RAD1: variants seen among roughly 807,000 people sequenced by gnomAD.
RAD1 encodes the protein RAD1 checkpoint DNA exonuclease.
Under a neutral mutation model 30.0 loss-of-function variants are expected in RAD1, and 21 were observed. That is an observed-to-expected ratio of 0.70 (90% CI 0.50 to 1.01). The LOEUF (loss-of-function observed/expected upper bound fraction) is 1.01, where lower values mean the gene tolerates loss of function less well. Among genes scored for constraint, RAD1 ranks in the 50% least tolerant of loss-of-function variants. RAD1 has a pLI of 0.00. For missense variants in RAD1, 329 were observed against 329.0 expected (o/e 1.00, Z 0.00); for synonymous variants, 109 against 113.6 (o/e 0.96, Z 0.26).
chr5:34,908,867 G>T lies in RAD1; in HGVS notation c.747C>A (p.Gly249=). 1 of 1,612,944 alleles carries T rather than the reference G, an allele frequency of 6.2e-7. No individual in the cohort carries two copies. The highest frequency in any genetic ancestry group is 8.5e-7 in the Non-Finnish European group (1 of 1,179,186). Residue 249 remains glycine, a synonymous_variant, in exon 6 of 6, where the codon GGC becomes GGA. Transcript: ENST00000382038. ...CKVSIRTDNR[G]FLSLQYMIRN... The stretch of plus-strand genomic sequence containing the variant: ...TAATCATATACTGTAATGAAAGGAA[G>T]CCTCTGTTATCTGTCCGAATAGATA...
At chr5:34,911,441 G>A in intron 4 of RAD1, 113 bp downstream of exon 4, 4 of 1,304,664 alleles carry the variant, frequency 3.1e-6, no homozygotes, top group Non-Finnish European at 4.2e-6. Context: ...GCTGTCTAAA[G>A]TTGTGAAAAC....
At chr5:34,915,031 G>A in intron 1 of RAD1, 70 bp from the exon 2 acceptor site, 1 of 832,810 alleles carries the variant, frequency 1.2e-6, no homozygotes, top group Admixed American at 2.6e-5. Context: ...TGCGCTGAGA[G>A]GTGGAAAGGG....
intron 3 of RAD1, among the ~76,000 whole-genome samples, chr5:34,913,193 T>G (rs1044444008): frequency 1.3e-5 from 2 of 152,258 alleles, no homozygotes; most frequent in African/African-American, 4.8e-5. Flanking sequence ...TAAAAATATT[T>G]AAGACATGTC....
intron 4 of RAD1, among the ~76,000 whole-genome samples, chr5:34,910,193 T>C (rs1199105550): frequency 6.6e-6 from 1 of 152,112 alleles, no homozygotes; most frequent in Non-Finnish European, 1.5e-5. Context: ...CCTACCTCCC[T>C]ACCACCAAAT....
In RAD1 at chr5:34,914,850, A is replaced by G; in HGVS notation, c.43T>C (p.Tyr15His). The G allele has an allele frequency of 6.2e-7, 1 of 1,614,180 alleles. No homozygotes were observed. The highest frequency in any genetic ancestry group is 1.1e-5 in the South Asian group (1 of 91,082). ...TQQIQDEDDQ[Y>H]SLVASLDNVR... ...TTGTCAAGGCTGGCCACAAGGCTGT[A>G]CTGATCATCCTCGTCTTGGATCTGT... The change falls in exon 2 of 6, where the codon TAC becomes CAC. Residue 15 changes from tyrosine (Y) to histidine (H), a missense_variant. Coordinates refer to ENST00000382038, the MANE Select transcript of RAD1 (RefSeq NM_002853.4).
chr5:34,910,820 A>G (rs1431243832), intron 4 of RAD1, among the ~76,000 whole-genome samples: 2 of 152,174 alleles, frequency 1.3e-5, no homozygotes, highest in Admixed American at 6.5e-5. Context: ...ATTCTGAAAT[A>G]TTTCAAAAAG....
At position 34,910,616 on chromosome 5, in the gene RAD1, C is replaced by T. The variant is rs572402809; in HGVS notation, c.566+938G>A. Among the ~76,000 whole-genome samples the T allele has an allele frequency of 5.9e-4, 89 of 152,114 alleles. 1 individual carries two copies. Among genetic ancestry groups the T allele is most frequent in the African/African-American group, 2.1e-3 (86 of 41,518 alleles). Reference sequence around the variant, plus strand: ...CTAATTTTTCTATTTTTAGTAGAGACAGGGTTTCACCACATTGGCCAGGCT... The same window carrying T: ...CTAATTTTTCTATTTTTAGTAGAGATAGGGTTTCACCACATTGGCCAGGCT... On this transcript the variant is annotated intron_variant, in intron 4 of 5. Coordinates refer to ENST00000382038, the MANE Select transcript of RAD1 (RefSeq NM_002853.4).
At chr5:34,912,449 C>G (rs1308504486) in intron 3 of RAD1, among the ~76,000 whole-genome samples, 4 of 152,180 alleles carry the variant, frequency 2.6e-5, no homozygotes, top group African/African-American at 9.7e-5. Flanking sequence ...TGGAAGATGA[C>G]AGATGCTTCT....
intron 1 of RAD1, 23 bp downstream of exon 1, chr5:34,915,393 G>C (rs1580509531): frequency 2.4e-5 from 6 of 254,284 alleles, no homozygotes; most frequent in Non-Finnish European, 4.6e-5. Context: ...TAGTCTCGGG[G>C]TCCCCGAGTG....
In RAD1 at chr5:34,907,711, A is replaced by G. The variant is rs1382994209; in HGVS notation, c.*1054T>C. 1 of 152,234 alleles carries G rather than the reference A, an allele frequency of 6.6e-6. No homozygotes were observed. The highest frequency in any genetic ancestry group is 1.5e-5 in the Non-Finnish European group (1 of 68,036). The allele number at this position is 152,234 out of a possible 1,614,324, so 9.4% of individuals were successfully genotyped here. ...TTTTGAGAAGAAGAAGAAAACCTGT[A>G]ACACTGAAAATTGCTTTATATCCCA... is the stretch of plus-strand genomic sequence containing the variant. On this transcript the variant is annotated 3_prime_UTR_variant, in exon 6 of 6. Coordinates refer to ENST00000382038, the MANE Select transcript of RAD1 (RefSeq NM_002853.4).
chr5:34,911,116 C>T (rs1414700117), intron 4 of RAD1, among the ~76,000 whole-genome samples: 2 of 152,204 alleles, frequency 1.3e-5, no homozygotes, highest in Non-Finnish European at 2.9e-5. Context: ...GATGAATAAG[C>T]ACACGGTAGG....
Position 34,913,570 on chromosome 5 carries a change from T to G in RAD1, c.207A>C (p.Ile69=), listed in dbSNP as rs772244300. 3.2e-6 allele frequency: 5 copies of G among 1,565,506 alleles called. No individual in the cohort carries two copies. The African/African-American group carries it at 6.9e-5, about 22-fold the overall frequency. The change falls in exon 3 of 6, where the codon ATA becomes ATC. Residue 69 remains isoleucine (I), a synonymous_variant. Transcript: ENST00000382038. ...CTTCCTGAACTTTAAACTCCTGAAA[T>G]ATTCCAGCCTATGAAAAGAGTAAAA... ...VQANAFIQAG[I]FQEFKVQEES...
chr5:34,914,074 A>G (rs41271679), intron 2 of RAD1: 229 of 452,100 alleles, frequency 5.1e-4, no homozygotes, highest in African/African-American at 4.1e-3. Flanking sequence ...TATCCCTGAG[A>G]TCATGCTGTG....
intron 2 of RAD1, 190 bp from the exon 3 acceptor site, chr5:34,913,768 A>T: frequency 1.8e-6 from 1 of 569,082 alleles, no homozygotes; most frequent in Non-Finnish European, 3.2e-6. Flanking sequence ...CCTGGATCTA[A>T]AACTATCCCT....
rs1490441496 is a variant in RAD1, at chr5:34,908,220, C to CT, written c.*544dup. On this transcript the variant is annotated 3_prime_UTR_variant, in exon 6 of 6. Coordinates refer to ENST00000382038, the MANE Select transcript of RAD1 (RefSeq NM_002853.4). ...CAGAGTTTTGCTCTTATTGCCTAGG[C>CT]TGGAGTGCAATGGCGTCATCTCAGC... 7.1e-6 allele frequency: 1 copy of CT among 139,874 alleles called. No individual in the cohort carries two copies. 8.7% of individuals were successfully genotyped at this position (139,874 alleles called of 1,614,324 possible).
At position 34,908,744 on chromosome 5, in the gene RAD1, A is replaced by G. The variant is rs1763733372; in HGVS notation, c.*21T>C. ...TTCATCTATCATAAATGTACACATA[A>G]ATATCAGTGAATTGTCATACTCAAG... On this transcript the variant is annotated 3_prime_UTR_variant, in exon 6 of 6. Coordinates refer to ENST00000382038, the MANE Select transcript of RAD1 (RefSeq NM_002853.4). 1 of 1,562,446 alleles carries G rather than the reference A, an allele frequency of 6.4e-7. No individual in the cohort carries two copies. The highest frequency in any genetic ancestry group is 8.7e-7 in the Non-Finnish European group (1 of 1,148,028).
In RAD1 at chr5:34,908,030, C is replaced by T. The variant is rs905220849; in HGVS notation, c.*735G>A. ...GGCCATTCTGATGTTGGTGCGGGCA[C>T]AACACTTTGAGAACCACTACTTTAA... is the stretch of plus-strand genomic sequence containing the variant. On this transcript the variant is annotated 3_prime_UTR_variant, in exon 6 of 6. Transcript: ENST00000382038. 6.6e-6 allele frequency: 1 copy of T among 152,160 alleles called. No homozygotes were observed. Among genetic ancestry groups the T allele is most frequent in the African/African-American group, 2.4e-5 (1 of 41,430 alleles). The allele number at this position is 152,160 out of a possible 1,614,324, so 9.4% of individuals were successfully genotyped here.
At chr5:34,914,210 T>C (rs1763960204) in intron 2 of RAD1, among the ~76,000 whole-genome samples, 1 of 152,240 alleles carries the variant, frequency 6.6e-6, no homozygotes, top group South Asian at 2.1e-4. Context: ...AGTAATAGCA[T>C]ATCGCAGTGG....
At chr5:34,914,429 C>T in intron 2 of RAD1, 2 of 451,912 alleles carry the variant, frequency 4.4e-6, no homozygotes, top group Non-Finnish European at 7.9e-6. Flanking sequence ...AGCCAATAGC[C>T]TAGTTTAATA....
Sources: allele counts gnomAD v4.1 joint callset (sites outside exome capture counted in the v4.1 genomes callset), GRCh38; gene constraint gnomAD v4.1.1; transcripts MANE v1.5; gene names NCBI Gene and HGNC (gene_info 2026-07-23, HGNC 2026-07-21).